Variants in GNG12 observed in about 807,000 individuals in gnomAD.
The protein encoded by GNG12 is guanine nucleotide-binding protein G(I)/G(S)/G(O) subunit gamma-12.
For synonymous variants in GNG12, 28 were observed against 29.7 expected, an observed-to-expected ratio of 0.94 and a Z score of 0.19; for missense variants, 69 against 83.8, an observed-to-expected ratio of 0.82 and a Z score of 0.69.
At chr1:67,814,380 A>T (rs151243468) in intron 1 of GNG12, among the ~76,000 whole-genome samples, 1 of 152,234 alleles carries the variant, frequency 6.6e-6, no homozygotes, top group Non-Finnish European at 1.5e-5. Context: ...TCCTGCATGT[A>T]GTGTAACAGT....
rs116805762 is a variant in GNG12 at position 67,706,316 on chromosome 1, A to G, written c.94-740T>C. ...CAGAACACACTTTAAGAACTGAACGATGGGCTCGGAGCCAAAACTCTGGAG... is the reference window on the plus strand; with the variant it reads ...CAGAACACACTTTAAGAACTGAACGGTGGGCTCGGAGCCAAAACTCTGGAG... On this transcript the variant is annotated intron_variant, in intron 3 of 3. Coordinates refer to ENST00000370982, the MANE Select transcript of GNG12 (RefSeq NM_018841.6). 9.9e-3 allele frequency among the ~76,000 whole-genome samples: 1,510 copies of G among 152,352 alleles called. 12 individuals are homozygous for G. Among genetic ancestry groups the G allele is most frequent in the Admixed American group, 0.018 (283 of 15,310 alleles).
intron 2 of GNG12, among the ~76,000 whole-genome samples, chr1:67,776,041 G>A (rs999319619): frequency 1.3e-5 from 2 of 152,124 alleles, no homozygotes; most frequent in East Asian, 1.9e-4. Flanking sequence ...TAGGGAGGGA[G>A]GTGGTTTTTG....
chr1:67,833,160 A>C (rs1227635317), intron 1 of GNG12, among the ~76,000 whole-genome samples, 184 bp downstream of exon 1: 1 of 123,924 alleles, frequency 8.1e-6, no homozygotes, highest in East Asian at 2.8e-4. Context: ...CGCCCAGACC[A>C]GTCCCCGCCC....
intron 2 of GNG12, among the ~76,000 whole-genome samples, chr1:67,712,360 TTAG>T (rs1330125013): frequency 6.6e-6 from 1 of 152,226 alleles, no homozygotes. Flanking sequence ...AGGTTTCTTA[TTAG>T]ATGAGGCAAT....
chr1:67,822,996 C>T (rs1646992742), intron 1 of GNG12, among the ~76,000 whole-genome samples: 1 of 152,190 alleles, frequency 6.6e-6, no homozygotes, highest in Non-Finnish European at 1.5e-5. Flanking sequence ...GAGTCCTGAG[C>T]TCTGGTTTGA....
At chr1:67,720,961 G>A (rs1035826413) in intron 2 of GNG12, among the ~76,000 whole-genome samples, 1 of 152,136 alleles carries the variant, frequency 6.6e-6, no homozygotes, top group African/African-American at 2.4e-5. Flanking sequence ...CCATGGTAAA[G>A]TTAGTTTTAT....
At chr1:67,735,574 T>C (rs1221028711) in intron 2 of GNG12, among the ~76,000 whole-genome samples, 1 of 152,228 alleles carries the variant, frequency 6.6e-6, no homozygotes, top group Non-Finnish European at 1.5e-5. Flanking sequence ...ATGAAATGCA[T>C]ATGTAAAGTG....
In GNG12 at chr1:67,705,348, G is replaced by T; in HGVS notation, c.*103C>A. ...ATTATTCCAAGCTGAGAACATTTTAGTTATTAGCAGTGGTTACCAAATAAG... is the reference window on the plus strand; with the variant it reads ...ATTATTCCAAGCTGAGAACATTTTATTTATTAGCAGTGGTTACCAAATAAG... On this transcript the variant is annotated 3_prime_UTR_variant, in exon 4 of 4. Transcript: ENST00000370982. 1 of 1,501,310 alleles carries T rather than the reference G, an allele frequency of 6.7e-7. No individual in the cohort carries two copies. Among genetic ancestry groups the T allele is most frequent in the East Asian group, 2.3e-5 (1 of 43,324 alleles). The allele number at this position is 1,501,310 out of a possible 1,614,324, so 93.0% of individuals were successfully genotyped here. A position where few individuals can be genotyped will look rare whatever the true frequency, so the allele number is the denominator to read the frequency against.
chr1:67,795,458 A>T (rs1259377935), intron 1 of GNG12, among the ~76,000 whole-genome samples: 1 of 152,158 alleles, frequency 6.6e-6, no homozygotes, highest in East Asian at 1.9e-4. Context: ...ACTCTGTGGC[A>T]CTCACTAGGT....
intron 2 of GNG12, among the ~76,000 whole-genome samples, chr1:67,748,134 C>T (rs1646517236): frequency 6.6e-6 from 1 of 151,998 alleles, no homozygotes; most frequent in Admixed American, 6.6e-5. Flanking sequence ...AGGCAGAGGG[C>T]AGAGATAAAG....
chr1:67,757,122 T>G lies in GNG12; in HGVS notation c.-27+20336A>C, dbSNP rs1646574490. Among the ~76,000 whole-genome samples the G allele has an allele frequency of 2.0e-5, 3 of 152,382 alleles. No homozygotes were observed. In the South Asian group the frequency reaches 6.2e-4, roughly 32 times the overall value. On this transcript the variant is annotated intron_variant, in intron 2 of 3. Transcript: ENST00000370982. ...TATACATAATGAGATATCTTGGGGA[T>G]AAGACCCAAGTCTAAACTTGAAATT...
At chr1:67,747,496 C>G (rs966790851) in intron 2 of GNG12, among the ~76,000 whole-genome samples, 16 of 152,212 alleles carry the variant, frequency 1.1e-4, no homozygotes, top group African/African-American at 3.9e-4. Context: ...CCTCCCTCAT[C>G]AGACACCAAT....
chr1:67,727,586 C>T (rs1181140260), intron 2 of GNG12, among the ~76,000 whole-genome samples: 1 of 152,160 alleles, frequency 6.6e-6, no homozygotes, highest in Non-Finnish European at 1.5e-5. Flanking sequence ...GGCTTTATAA[C>T]TGAAAACGAT....
chr1:67,710,105 TATATATA>T (rs1646282931), intron 2 of GNG12, among the ~76,000 whole-genome samples: 2 of 23,214 alleles, frequency 8.6e-5, no homozygotes, highest in Non-Finnish European at 1.8e-4. Flanking sequence ...TATATAGTTA[TATATATA>T]GTTATATATA....
At chr1:67,750,059 C>T (rs1476399988) in intron 2 of GNG12, among the ~76,000 whole-genome samples, 1 of 152,198 alleles carries the variant, frequency 6.6e-6, no homozygotes, top group African/African-American at 2.4e-5. Context: ...GTACCCACTG[C>T]CCAGCCTGCC....
At chr1:67,730,315 C>G (rs1016530608) in intron 2 of GNG12, among the ~76,000 whole-genome samples, 2 of 152,210 alleles carry the variant, frequency 1.3e-5, no homozygotes, top group African/African-American at 4.8e-5. Context: ...GCCTCGCCAA[C>G]ATGGCGAAAC....
At chr1:67,806,421 T>C (rs1317355310) in intron 1 of GNG12, among the ~76,000 whole-genome samples, 2 of 152,072 alleles carry the variant, frequency 1.3e-5, no homozygotes, top group South Asian at 2.1e-4. Context: ...CAATATTTAA[T>C]ATTTACGGGA....
At chr1:67,760,725 A>T (rs1054477721) in intron 2 of GNG12, among the ~76,000 whole-genome samples, 2 of 152,246 alleles carry the variant, frequency 1.3e-5, no homozygotes, top group Non-Finnish European at 2.9e-5. Flanking sequence ...GTTATTCAAC[A>T]AACATTGACT....
intron 2 of GNG12, among the ~76,000 whole-genome samples, chr1:67,716,271 C>G (rs1332735033): frequency 6.6e-6 from 1 of 152,206 alleles, no homozygotes; most frequent in South Asian, 2.1e-4. Context: ...TCTGTAAAAA[C>G]AGCAGGCTTT....
Sources: allele counts gnomAD v4.1 joint callset (sites outside exome capture counted in the v4.1 genomes callset), GRCh38; gene constraint gnomAD v4.1.1; transcripts MANE v1.5; gene names NCBI Gene and HGNC (gene_info 2026-07-23, HGNC 2026-07-21).